Variants in C12orf42 observed in about 807,000 individuals in gnomAD.
C12orf42 encodes chromosome 12 open reading frame 42, also known as uncharacterized protein C12orf42.
In C12orf42, 25 loss-of-function variants were observed where a neutral mutation model predicts 21.6. That is an observed-to-expected ratio of 1.16 (90% CI 0.84 to 1.62). C12orf42 has a LOEUF of 1.62. C12orf42 is among the 40% of genes most tolerant of loss of function. The probability of loss-of-function intolerance (pLI) is 0.00; values close to 1 mark genes in which losing one functional copy is unlikely to be tolerated. For missense variants in C12orf42, 483 were observed against 459.3 expected (o/e 1.05, Z -0.47); for synonymous variants, 174 against 175.0 (o/e 0.99, Z 0.05).
At chr12:103,357,055 C>A (rs1457560634) in intron 4 of C12orf42, among the ~76,000 whole-genome samples, 2 of 148,212 alleles carry the variant, frequency 1.3e-5, no homozygotes, top group Admixed American at 7.0e-5. Context: ...GACAAAAAAA[C>A]CAAACACCGC....
downstream of C12orf42, among the ~76,000 whole-genome samples, chr12:103,300,270 A>AT (rs1411850801): frequency 1.3e-5 from 2 of 152,164 alleles, no homozygotes; most frequent in East Asian, 1.9e-4. Flanking sequence ...AGTTTATCAG[A>AT]TTTTTTTTAT....
At chr12:103,495,073 G>T (rs1326642896) in intron 1 of C12orf42, among the ~76,000 whole-genome samples, 2 of 152,106 alleles carry the variant, frequency 1.3e-5, no homozygotes, top group African/African-American at 4.8e-5. Flanking sequence ...GGGGGCGGCG[G>T]TGGTAAATCC....
At chr12:103,453,735 AT>A (rs1450338911) in intron 2 of C12orf42, among the ~76,000 whole-genome samples, 2 of 151,798 alleles carry the variant, frequency 1.3e-5, no homozygotes, top group African/African-American at 2.4e-5. Flanking sequence ...CTTGATTGCA[AT>A]TTTTTTCCAA....
At chr12:103,148,877 T>C in the C12orf42 span, among the ~76,000 whole-genome samples, 1 of 152,196 alleles carries the variant, frequency 6.6e-6, no homozygotes, top group Non-Finnish European at 1.5e-5. Flanking sequence ...CCCTGAGATG[T>C]ATATGCATCC....
At chr12:103,103,999 C>T in the C12orf42 span, among the ~76,000 whole-genome samples, 2 of 152,016 alleles carry the variant, frequency 1.3e-5, no homozygotes, top group African/African-American at 4.8e-5. Flanking sequence ...TATATGTGGG[C>T]GTTGTGCCCA....
chr12:103,223,057 C>T, the C12orf42 span, among the ~76,000 whole-genome samples: 2 of 152,006 alleles, frequency 1.3e-5, no homozygotes, highest in Admixed American at 6.6e-5. Flanking sequence ...ACCTATTATA[C>T]ATAGTGTATA....
At chr12:103,455,590 T>C (rs1461941720) in intron 2 of C12orf42, among the ~76,000 whole-genome samples, 1 of 152,128 alleles carries the variant, frequency 6.6e-6, no homozygotes, top group Non-Finnish European at 1.5e-5. Context: ...CAAGAAGTCT[T>C]ATCACTGTAC....
At chr12:103,101,980 G>T in the C12orf42 span, among the ~76,000 whole-genome samples, 1 of 152,218 alleles carries the variant, frequency 6.6e-6, no homozygotes, top group Non-Finnish European at 1.5e-5. Flanking sequence ...AAGAGCAAAG[G>T]TGTTCAGGGC....
At chr12:103,085,537 A>G in the C12orf42 span, among the ~76,000 whole-genome samples, 11 of 151,788 alleles carry the variant, frequency 7.2e-5, no homozygotes, top group Non-Finnish European at 1.3e-4. Context: ...ATTCGAATGA[A>G]AAGATTTTTT....
At chr12:103,095,951 G>A in the C12orf42 span, among the ~76,000 whole-genome samples, 3 of 152,152 alleles carry the variant, frequency 2.0e-5, no homozygotes, top group Admixed American at 2.0e-4. Context: ...CAAACTGTGT[G>A]CCAGGGATCA....
chr12:103,536,682 C>T, the C12orf42 span, among the ~76,000 whole-genome samples: 1 of 152,144 alleles, frequency 6.6e-6, no homozygotes, highest in Admixed American at 6.5e-5. Context: ...TGATGACCAC[C>T]ACTGCATTTG....
At chr12:103,205,172 A>G in the C12orf42 span, among the ~76,000 whole-genome samples, 1 of 152,316 alleles carries the variant, frequency 6.6e-6, no homozygotes, top group South Asian at 2.1e-4. Flanking sequence ...CAAAAACACT[A>G]TTCGTTGGAA....
chr12:103,165,709 T>C, the C12orf42 span, among the ~76,000 whole-genome samples: 162 of 152,256 alleles, frequency 1.1e-3, no homozygotes, highest in African/African-American at 3.2e-3. Context: ...TCACTGCCCT[T>C]AAGAAGCTTA....
intron 4 of C12orf42, among the ~76,000 whole-genome samples, chr12:103,329,817 T>C (rs1332074132): frequency 6.6e-6 from 1 of 151,916 alleles, no homozygotes; most frequent in Non-Finnish European, 1.5e-5. Context: ...TTTCCCCCTT[T>C]CTATTGCTAC....
At chr12:103,277,447 T>C (rs2035837527) in intron 4 of C12orf42, among the ~76,000 whole-genome samples, 1 of 152,054 alleles carries the variant, frequency 6.6e-6, no homozygotes, top group South Asian at 2.1e-4. Flanking sequence ...TTCTGGAAAA[T>C]GAGAATGAAA....
At chr12:103,360,821 G>C (rs1222902325) in intron 4 of C12orf42, among the ~76,000 whole-genome samples, 1 of 151,936 alleles carries the variant, frequency 6.6e-6, no homozygotes, top group Non-Finnish European at 1.5e-5. Context: ...GATTTTATTG[G>C]GCCCTTTGGG....
the C12orf42 span, among the ~76,000 whole-genome samples, chr12:103,229,982 C>T: frequency 6.6e-6 from 1 of 152,132 alleles, no homozygotes. Context: ...AGTTTGTAAA[C>T]CTGACAATTT....
At chr12:103,402,214 C>A (rs1699103921) in intron 2 of C12orf42, among the ~76,000 whole-genome samples, 1 of 152,210 alleles carries the variant, frequency 6.6e-6, no homozygotes, top group South Asian at 2.1e-4. Flanking sequence ...GTGAATGAAA[C>A]AAATCTACAA....
the C12orf42 span, among the ~76,000 whole-genome samples, chr12:103,509,436 G>C: frequency 6.6e-6 from 1 of 152,194 alleles, no homozygotes; most frequent in South Asian, 2.1e-4. Context: ...GACAGCCTCG[G>C]AAATGCAATT....
Sources: gnomAD v4.1 joint callset for allele counts (sites outside exome capture counted in the v4.1 genomes callset) on GRCh38, gnomAD v4.1.1 for gene constraint, MANE v1.5 for transcripts, NCBI Gene and HGNC (gene_info 2026-07-23, HGNC 2026-07-21) for gene names.